The following NLRC5 variants were observed in gnomAD, a reference collection of about 807,000 sequenced individuals.
The protein encoded by NLRC5 is protein NLRC5.
In NLRC5, 114 loss-of-function variants were observed where a neutral mutation model predicts 206.9. The ratio of observed to expected loss-of-function variants is 0.55; its 90% confidence interval spans 0.47 to 0.64. The LOEUF (loss-of-function observed/expected upper bound fraction) is 0.64. NLRC5 is among the 30% of genes least tolerant of loss of function. The pLI, the probability that NLRC5 is intolerant of heterozygous loss-of-function variation, is 0.00. For missense variants in NLRC5, 2,008 were observed against 2,305.5 expected (o/e 0.87, Z 2.64); for synonymous variants, 952 against 962.8 (o/e 0.99, Z 0.21).
chr16:57,022,357 C>G (rs747964536), intron 4 of NLRC5, 42 bp downstream of exon 4: 1 of 1,552,306 alleles, frequency 6.4e-7, no homozygotes, highest in Non-Finnish European at 8.9e-7. Context: ...GTGGTGAGCA[C>G]TGTGAAGTCC....
In NLRC5 at chr16:57,081,335, C is replaced by T. The variant is rs147511629; in HGVS notation, c.5405+154C>T. On this transcript the variant is annotated intron_variant, in intron 47 of 48. Coordinates refer to ENST00000688547, the MANE Select transcript of NLRC5 (RefSeq NM_001384950.1). Reference sequence around the variant, plus strand: ...TCCAAGCCCCTGCCAGGCTTAGTTCCCCCTGGGTTCTAGCCTTCAGCCTTC... The same window carrying T: ...TCCAAGCCCCTGCCAGGCTTAGTTCTCCCTGGGTTCTAGCCTTCAGCCTTC... The T allele has an allele frequency of 2.1e-3, 1,922 of 906,986 alleles. 42 individuals carry two copies. In the East Asian group the frequency reaches 0.046, roughly 22 times the overall value. The allele number at this position is 906,986 out of a possible 1,614,324, so 56.2% of individuals were successfully genotyped here.
At chr16:57,076,743 G>A in intron 39 of NLRC5, 76 bp from the exon 40 acceptor site, 1 of 1,379,912 alleles carries the variant, frequency 7.2e-7, no homozygotes, top group Non-Finnish European at 1.0e-6. Flanking sequence ...TTTGCAAACT[G>A]TAGAGTTCTT....
intron 27 of NLRC5, among the ~76,000 whole-genome samples, chr16:57,057,410 C>T (rs781466789): frequency 3.9e-5 from 6 of 152,280 alleles, no homozygotes; most frequent in Admixed American, 2.0e-4. Context: ...GGCAACAGAG[C>T]AAGACTCCAT....
chr16:56,992,851 ATG>A (rs2057073900), intron 1 of NLRC5, among the ~76,000 whole-genome samples: 1 of 150,448 alleles, frequency 6.6e-6, no homozygotes. Flanking sequence ...ATATGGAATT[ATG>A]CGTTAAAGGG....
intron 1 of NLRC5, among the ~76,000 whole-genome samples, chr16:56,990,087 T>C (rs2056624360): frequency 6.6e-6 from 1 of 152,166 alleles, no homozygotes; most frequent in African/African-American, 2.4e-5. Flanking sequence ...ACATATACAA[T>C]AGTAGAAGGA....
At chr16:57,045,101 A>G (rs2063769669) in intron 20 of NLRC5, among the ~76,000 whole-genome samples, 2 of 151,904 alleles carry the variant, frequency 1.3e-5, no homozygotes, top group African/African-American at 4.8e-5. Flanking sequence ...GCTACTTGGG[A>G]GGCTGAGGCA....
At chr16:57,074,100 A>G (rs2068080761) in intron 38 of NLRC5, 1 of 158,384 alleles carries the variant, frequency 6.3e-6, no homozygotes. Flanking sequence ...TCTCCTGCCT[A>G]GGCTGGGGGC....
chr16:57,048,531 C>G (rs192853747), intron 23 of NLRC5, among the ~76,000 whole-genome samples: 1 of 152,128 alleles, frequency 6.6e-6, no homozygotes, highest in East Asian at 1.9e-4. Flanking sequence ...ATTATCAGAC[C>G]TACACTATTT....
In NLRC5 at chr16:57,025,437, G is replaced by T. The variant is rs749440078; in HGVS notation, c.494G>T (p.Gly165Val). 4 of 1,598,340 alleles carry T rather than the reference G, an allele frequency of 2.5e-6. No individual in the cohort carries two copies. Among genetic ancestry groups the T allele is most frequent in the Non-Finnish European group, 3.4e-6 (4 of 1,172,236 alleles). Residue 165 changes from glycine (G) to valine (V), a missense_variant, in exon 6 of 49, where the codon GGG becomes GTG. Coordinates refer to ENST00000688547, the MANE Select transcript of NLRC5 (RefSeq NM_001384950.1). ...AQQRYRSQIP[G>V]SGQPHAFHQV... ...CAGCGCTACAGGAGCCAAATCCCTG[G>T]GTCAGGGCAGCCCCACGCCTTCCAC...
chr16:57,039,732 C>A, intron 15 of NLRC5, 49 bp from the exon 16 acceptor site: 1 of 1,525,380 alleles, frequency 6.6e-7, no homozygotes, highest in Non-Finnish European at 9.1e-7. Context: ...GAAATAGTAA[C>A]AGGGAGCCAA....
At chr16:57,065,957 A>G (rs1267514138) in intron 33 of NLRC5, among the ~76,000 whole-genome samples, 1 of 152,188 alleles carries the variant, frequency 6.6e-6, no homozygotes, top group East Asian at 1.9e-4. Flanking sequence ...CCCCATGAAC[A>G]TAACATTCAA....
chr16:57,047,397 C>G (rs1003633768), intron 22 of NLRC5, 148 bp from the exon 23 acceptor site: 2 of 669,644 alleles, frequency 3.0e-6, no homozygotes, highest in African/African-American at 1.8e-5. Flanking sequence ...AGGGGAGACT[C>G]GAGAGGGAAG....
chr16:57,066,503 G>C (rs768322198), intron 33 of NLRC5, 31 bp from the exon 34 acceptor site: 1 of 1,609,276 alleles, frequency 6.2e-7, no homozygotes, highest in African/African-American at 1.3e-5. Flanking sequence ...AAGGCTGCCC[G>C]ACCTCACGTT....
intron 10 of NLRC5, among the ~76,000 whole-genome samples, chr16:57,031,022 C>T (rs2061816453): frequency 6.6e-6 from 1 of 151,880 alleles, no homozygotes; most frequent in African/African-American, 2.4e-5. Context: ...ATTGCTTGAG[C>T]CGTGGAGGTT....
chr16:57,001,129 G>A (rs1165777960), intron 1 of NLRC5, among the ~76,000 whole-genome samples: 1 of 152,186 alleles, frequency 6.6e-6, no homozygotes, highest in Non-Finnish European at 1.5e-5. Flanking sequence ...CCCCCTGGTA[G>A]GGCTTGGTGT....
At chr16:57,021,319 G>A (rs2060650042) in intron 3 of NLRC5, among the ~76,000 whole-genome samples, 1 of 151,850 alleles carries the variant, frequency 6.6e-6, no homozygotes. Flanking sequence ...GGGGGTGGGG[G>A]GGTGTTTTTT....
intron 1 of NLRC5, among the ~76,000 whole-genome samples, chr16:57,011,150 C>T (rs753395370): frequency 3.3e-5 from 5 of 152,180 alleles, no homozygotes; most frequent in Non-Finnish European, 5.9e-5. Context: ...CAGTGGCTCA[C>T]GCCTGTAACC....
chr16:57,008,241 T>G (rs2059131220), intron 1 of NLRC5, among the ~76,000 whole-genome samples: 1 of 152,126 alleles, frequency 6.6e-6, no homozygotes, highest in Admixed American at 6.6e-5. Context: ...AAAGAGAAAT[T>G]TTTTTAAAAT....
At chr16:57,043,643 C>T (rs774504207) in intron 20 of NLRC5, 39 bp downstream of exon 20, 2 of 1,531,072 alleles carry the variant, frequency 1.3e-6, no homozygotes, top group African/African-American at 1.4e-5. Context: ...GCCCCTGTCC[C>T]CCATCCCACA....
Sources: gnomAD v4.1 joint callset for allele counts (sites outside exome capture counted in the v4.1 genomes callset) on GRCh38, gnomAD v4.1.1 for gene constraint, MANE v1.5 for transcripts, NCBI Gene and HGNC (gene_info 2026-07-23, HGNC 2026-07-21) for gene names.